SLC5A1: variants seen among roughly 807,000 people sequenced by gnomAD.
The protein encoded by SLC5A1 is solute carrier family 5 member 1.
Under a neutral mutation model 73.5 loss-of-function variants are expected in SLC5A1, and 42 were observed. The observed-to-expected ratio is 0.57, with a 90% CI of 0.45 to 0.74. The LOEUF (loss-of-function observed/expected upper bound fraction) is 0.74, where lower values mean the gene tolerates loss of function less well. Among genes scored for constraint, SLC5A1 ranks in the 30% least tolerant of loss-of-function variants. SLC5A1 has a pLI of 0.00. For synonymous variants in SLC5A1, 300 were observed against 317.4 expected (o/e 0.95, Z 0.58); for missense variants, 634 against 855.4 (o/e 0.74, Z 3.23).
At chr22:32,095,541 A>G (rs892255288) in intron 11 of SLC5A1, among the ~76,000 whole-genome samples, 1 of 152,160 alleles carries the variant, frequency 6.6e-6, no homozygotes, top group Non-Finnish European at 1.5e-5. Context: ...AGGTGGATAT[A>G]TATTTAGGAT....
Position 32,085,055 on chromosome 22 carries a change from C to G in SLC5A1, c.1021+20C>G, listed in dbSNP as rs766324487. 3 of 1,613,872 alleles carry G rather than the reference C, an allele frequency of 1.9e-6. No homozygotes were observed. The South Asian group carries it at 3.3e-5, about 18-fold the overall frequency. On this transcript the variant is annotated intron_variant, in intron 9 of 14. Coordinates refer to ENST00000266088, the MANE Select transcript of SLC5A1 (RefSeq NM_000343.4). ...ACACAGGTAATAACTTCTGCTGGACCCACAAACCACTCTCCCTTTTTCTGT... is the reference window on the plus strand; with the variant it reads ...ACACAGGTAATAACTTCTGCTGGACGCACAAACCACTCTCCCTTTTTCTGT...
chr22:32,076,960 TAA>T (rs2093991919), intron 5 of SLC5A1, among the ~76,000 whole-genome samples: 1 of 152,342 alleles, frequency 6.6e-6, no homozygotes, highest in East Asian at 1.9e-4. Context: ...TTTTTGTAAG[TAA>T]AGTTTTACTG....
intron 14 of SLC5A1, among the ~76,000 whole-genome samples, chr22:32,107,287 A>G (rs1380485597): frequency 6.6e-6 from 1 of 152,208 alleles, no homozygotes; most frequent in East Asian, 1.9e-4. Context: ...TTGAGTGTCA[A>G]AAGATCTTAT....
At chr22:32,101,830 G>C (rs1437467156) in intron 12 of SLC5A1, among the ~76,000 whole-genome samples, 192 bp from the exon 13 acceptor site, 5 of 152,204 alleles carry the variant, frequency 3.3e-5, no homozygotes, top group East Asian at 1.9e-4. Flanking sequence ...CAGACACACT[G>C]AGTGTGTCTG....
At chr22:32,099,404 A>G (rs1192928006) in intron 12 of SLC5A1, 53 bp downstream of exon 12, 4 of 1,516,156 alleles carry the variant, frequency 2.6e-6, no homozygotes, top group Non-Finnish European at 3.6e-6. Context: ...AGAAGTTTCC[A>G]TGTGGGTTTG....
rs1173887919 is a variant in SLC5A1 at position 32,105,700 on chromosome 22, C to A, written c.1771+809C>A. Among the ~76,000 whole-genome samples, 6 of 152,144 alleles carry A rather than the reference C, an allele frequency of 3.9e-5. No individual in the cohort carries two copies. In the East Asian group the frequency reaches 1.2e-3, roughly 29 times the overall value. ...TCATTCTTTCTATTTTTTTGTTGTACCCATTAACCATCCCTACCCCATCCC... is the reference window on the plus strand; with the variant it reads ...TCATTCTTTCTATTTTTTTGTTGTAACCATTAACCATCCCTACCCCATCCC... On this transcript the variant is annotated intron_variant, in intron 14 of 14. Transcript: ENST00000266088.
At chr22:32,049,809 G>A (rs2093942876) in intron 1 of SLC5A1, 134 bp from the exon 2 acceptor site, 1 of 795,408 alleles carries the variant, frequency 1.3e-6, no homozygotes, top group African/African-American at 1.7e-5. Flanking sequence ...AGGCTGCAGG[G>A]GAAGAAGGAA....
At chr22:32,050,899 G>C (rs1240966152) in intron 2 of SLC5A1, among the ~76,000 whole-genome samples, 2 of 152,238 alleles carry the variant, frequency 1.3e-5, no homozygotes, top group African/African-American at 2.4e-5. Flanking sequence ...TTACGTAACT[G>C]TGGGCTGGTT....
intron 5 of SLC5A1, among the ~76,000 whole-genome samples, chr22:32,069,517 T>TAA (rs201739089): frequency 7.0e-6 from 1 of 142,626 alleles, no homozygotes; most frequent in Non-Finnish European, 1.5e-5. Flanking sequence ...ACCTGCCTCT[T>TAA]AAAAAAAAAA....
intron 2 of SLC5A1, among the ~76,000 whole-genome samples, chr22:32,054,146 T>G (rs191972128): frequency 1.3e-5 from 2 of 152,242 alleles, no homozygotes; most frequent in East Asian, 3.9e-4. Flanking sequence ...GCACTCCAGC[T>G]TGGGCAACAG....
At chr22:32,070,908 A>G (rs529716910) in intron 5 of SLC5A1, among the ~76,000 whole-genome samples, 2 of 152,338 alleles carry the variant, frequency 1.3e-5, no homozygotes, top group African/African-American at 2.4e-5. Flanking sequence ...AAGAAAATGT[A>G]AATGATAAGG....
chr22:32,059,435 A>C (rs960610649), intron 2 of SLC5A1: 4 of 768,122 alleles, frequency 5.2e-6, no homozygotes, highest in South Asian at 5.8e-5. Flanking sequence ...AAGTGTTTTT[A>C]TAGACAGAGC....
chr22:32,051,108 T>C (rs187133663), intron 2 of SLC5A1, among the ~76,000 whole-genome samples: 23 of 152,258 alleles, frequency 1.5e-4, no homozygotes. Context: ...AGTGAGAGAC[T>C]CTTGTTTTGG....
At chr22:32,066,912 C>A in intron 2 of SLC5A1, 23 bp from the exon 3 acceptor site, 1 of 1,564,594 alleles carries the variant, frequency 6.4e-7, no homozygotes, top group South Asian at 1.1e-5. Flanking sequence ...GAGCCCTCAC[C>A]TGACTTTCTT....
chr22:32,099,598 A>T (rs559090056), intron 12 of SLC5A1, among the ~76,000 whole-genome samples: 11 of 151,356 alleles, frequency 7.3e-5, no homozygotes, highest in South Asian at 2.1e-4. Flanking sequence ...TTTCTTAAAA[A>T]TTTTTTTTAA....
intron 5 of SLC5A1, among the ~76,000 whole-genome samples, chr22:32,080,869 A>C (rs145324244): frequency 0.045 from 6,821 of 152,122 alleles, 208 homozygotes; most frequent in Non-Finnish European, 0.071. Flanking sequence ...TGGTGCACAC[A>C]TGTAATCCCA....
intron 2 of SLC5A1, chr22:32,059,424 G>C (rs1052645491): frequency 1.2e-6 from 1 of 861,506 alleles, no homozygotes; most frequent in Non-Finnish European, 1.4e-6. Context: ...GCAGATGAGG[G>C]AAGTGTTTTT....
chr22:32,066,954 C>T lies in SLC5A1; in HGVS notation c.227C>T (p.Ala76Val). The change falls in exon 3 of 15, where the codon GCT becomes GTT. Residue 76 changes from alanine (A) to valine (V), a missense_variant. Ala to Val is a moderately conservative substitution (Grantham distance 64). Coordinates refer to ENST00000266088, the MANE Select transcript of SLC5A1 (RefSeq NM_000343.4). Reference sequence around the variant, plus strand: ...TTCCAGATTGGAGCCTCCCTCTTTGCTAGTAACATTGGAAGTGGCCACTTT... The same window carrying T: ...TTCCAGATTGGAGCCTCCCTCTTTGTTAGTAACATTGGAAGTGGCCACTTT... ...VWWPIGASLF[A>V]SNIGSGHFVG... The T allele has an allele frequency of 6.2e-7, 1 of 1,613,492 alleles. No individual in the cohort carries two copies. Among genetic ancestry groups the T allele is most frequent in the Non-Finnish European group, 8.5e-7 (1 of 1,179,506 alleles).
chr22:32,045,526 G>A (rs1298499941), intron 1 of SLC5A1, among the ~76,000 whole-genome samples: 1 of 152,200 alleles, frequency 6.6e-6, no homozygotes, highest in Non-Finnish European at 1.5e-5. Context: ...ACTCCTTCAT[G>A]ATCTCTGGGC....
Sources: allele counts gnomAD v4.1 joint callset (sites outside exome capture counted in the v4.1 genomes callset), GRCh38; gene constraint gnomAD v4.1.1; transcripts MANE v1.5; gene names NCBI Gene and HGNC (gene_info 2026-07-23, HGNC 2026-07-21).